Variants in DLGAP1 observed in about 807,000 individuals in gnomAD.
The protein encoded by DLGAP1 is DLG associated protein 1, also known as disks large-associated protein 1.
A neutral mutation model predicts 90.8 loss-of-function variants in DLGAP1; 11 were observed. The observed-to-expected ratio is 0.12, with a 90% CI of 0.08 to 0.20. The LOEUF is 0.20. Among genes scored for constraint, DLGAP1 ranks in the 10% least tolerant of loss-of-function variants. DLGAP1 has a pLI of 1.00. For missense variants in DLGAP1, 1,050 were observed against 1,333.8 expected, an observed-to-expected ratio of 0.79 and a Z score of 3.31; for synonymous variants, 558 against 540.7, an observed-to-expected ratio of 1.03 and a Z score of -0.44.
chr18:3,941,945 C>T (rs574269162), intron 3 of DLGAP1, among the ~76,000 whole-genome samples: 117 of 152,260 alleles, frequency 7.7e-4, no homozygotes, highest in Admixed American at 2.7e-3. Flanking sequence ...AACATCTGGG[C>T]TCAAGCAGAT....
intron 7 of DLGAP1, chr18:3,656,274 T>TG: frequency 1.7e-6 from 1 of 578,120 alleles, no homozygotes; most frequent in Non-Finnish European, 2.9e-6. Flanking sequence ...AAATAATTTT[T>TG]AGTCTTAACT....
At chr18:4,343,391 C>T (rs560324209) in intron 1 of DLGAP1, among the ~76,000 whole-genome samples, 1 of 151,402 alleles carries the variant, frequency 6.6e-6, no homozygotes, top group Non-Finnish European at 1.5e-5. Context: ...CAAATCCAGA[C>T]AAGTTATACA....
At chr18:4,273,851 G>T (rs1164446031) in intron 1 of DLGAP1, among the ~76,000 whole-genome samples, 1 of 152,076 alleles carries the variant, frequency 6.6e-6, no homozygotes, top group Non-Finnish European at 1.5e-5. Context: ...AAAATCACTG[G>T]TAACATTCCT....
intron 10 of DLGAP1, among the ~76,000 whole-genome samples, chr18:3,515,262 A>ATT: frequency 6.8e-6 from 1 of 147,022 alleles, no homozygotes; most frequent in Non-Finnish European, 1.5e-5. Context: ...CGAGGTCAGG[A>ATT]GATCGAGCCC....
At chr18:3,936,339 C>G (rs948029107) in intron 3 of DLGAP1, among the ~76,000 whole-genome samples, 3 of 151,868 alleles carry the variant, frequency 2.0e-5, no homozygotes, top group Non-Finnish European at 4.4e-5. Flanking sequence ...TACAATTTGC[C>G]CCCAAGTGAC....
chr18:4,193,615 C>T (rs2077441144), intron 1 of DLGAP1, among the ~76,000 whole-genome samples: 5 of 152,138 alleles, frequency 3.3e-5, no homozygotes. Flanking sequence ...ATTACAGAAA[C>T]AAGCATATCT....
intron 5 of DLGAP1, among the ~76,000 whole-genome samples, chr18:3,758,237 T>C (rs1275362103): frequency 6.6e-6 from 1 of 151,954 alleles, no homozygotes; most frequent in African/African-American, 2.4e-5. Flanking sequence ...TTTTACATAA[T>C]ACCCAACGTA....
At chr18:3,855,006 A>G (rs1401824900) in intron 4 of DLGAP1, among the ~76,000 whole-genome samples, 1 of 152,218 alleles carries the variant, frequency 6.6e-6, no homozygotes, top group African/African-American at 2.4e-5. Flanking sequence ...GCTGAAGGCA[A>G]TATTCACAAT....
intron 5 of DLGAP1, among the ~76,000 whole-genome samples, chr18:3,785,801 A>G (rs898051000): frequency 2.0e-5 from 3 of 152,212 alleles, no homozygotes; most frequent in Non-Finnish European, 2.9e-5. Flanking sequence ...ATACCGAAGA[A>G]AAGCTTCGCC....
Position 3,729,522 on chromosome 18 carries a change from G to A in DLGAP1, c.1351-147C>T. On this transcript the variant is annotated intron_variant, in intron 6 of 12. Coordinates refer to ENST00000315677, the MANE Select transcript of DLGAP1 (RefSeq NM_004746.4). This position sits in a 1 kb window ranked among gnomAD's most constrained non-coding sequence, Gnocchi z 6.2. Reference sequence around the variant, plus strand: ...TGCATTTTATTTCCTTTCTGTTACAGGCTATAATTGAATGGCATCCGCTTA... The same window carrying A: ...TGCATTTTATTTCCTTTCTGTTACAAGCTATAATTGAATGGCATCCGCTTA... 8.8e-7 allele frequency: 1 copy of A among 1,137,432 alleles called. No homozygotes were observed. Among genetic ancestry groups the A allele is most frequent in the Non-Finnish European group, 1.2e-6 (1 of 816,636 alleles). The allele number at this position is 1,137,432 out of a possible 1,614,324, so 70.5% of individuals were successfully genotyped here. A position where few individuals can be genotyped will look rare whatever the true frequency, so the allele number is the denominator to read the frequency against.
chr18:4,300,448 G>T (rs572176994), intron 1 of DLGAP1, among the ~76,000 whole-genome samples: 1 of 152,126 alleles, frequency 6.6e-6, no homozygotes, highest in Admixed American at 6.5e-5. Context: ...CCTATGTACA[G>T]ATACACCTAC....
chr18:4,226,135 C>T (rs1012025374), intron 1 of DLGAP1, among the ~76,000 whole-genome samples: 1 of 152,016 alleles, frequency 6.6e-6, no homozygotes, highest in Non-Finnish European at 1.5e-5. Context: ...GAGAGAGTGG[C>T]CTTATATATA....
chr18:4,217,843 A>G (rs2077990191), intron 1 of DLGAP1, among the ~76,000 whole-genome samples: 2 of 152,014 alleles, frequency 1.3e-5, no homozygotes, highest in Non-Finnish European at 2.9e-5. Context: ...CTTTTGGAAA[A>G]CAGTATGGAG....
At chr18:4,218,112 ATT>A (rs11388163) in intron 1 of DLGAP1, among the ~76,000 whole-genome samples, 31 of 136,816 alleles carry the variant, frequency 2.3e-4, no homozygotes, top group Non-Finnish European at 2.4e-4. Context: ...ATCTGTTAGA[ATT>A]TTTTTTTTTT....
intron 9 of DLGAP1, among the ~76,000 whole-genome samples, chr18:3,555,001 C>G (rs972858810): frequency 2.0e-5 from 3 of 151,836 alleles, no homozygotes; most frequent in Non-Finnish European, 4.4e-5. Flanking sequence ...GTTAACTGGC[C>G]ATTCAGTGTG....
At position 4,108,608 on chromosome 18, in the gene DLGAP1, A is replaced by C. The variant is rs565303076; in HGVS notation, c.-159+42572T>G. ...TTTTATTTATTAGCATTAGCTAATA[A>C]ATTATTTGTATATATGCAAAACAAG... On this transcript the variant is annotated intron_variant, in intron 2 of 12. Transcript: ENST00000315677. Among the ~76,000 whole-genome samples, 13 of 151,058 alleles carry C rather than the reference A, an allele frequency of 8.6e-5. No homozygotes were observed. The South Asian group carries it at 2.7e-3, about 32-fold the overall frequency.
chr18:4,390,357 A>G (rs2082316965), intron 1 of DLGAP1, among the ~76,000 whole-genome samples: 1 of 151,838 alleles, frequency 6.6e-6, no homozygotes, highest in South Asian at 2.1e-4. Flanking sequence ...ATGAACCTCT[A>G]TTGACACATC....
intron 5 of DLGAP1, among the ~76,000 whole-genome samples, chr18:3,778,084 A>C (rs1568118730): frequency 6.6e-6 from 1 of 152,200 alleles, no homozygotes; most frequent in Non-Finnish European, 1.5e-5. Context: ...ATATATCTTT[A>C]GGAGAAAAAT....
At chr18:3,650,604 A>G (rs1223816707) in intron 7 of DLGAP1, among the ~76,000 whole-genome samples, 1 of 152,234 alleles carries the variant, frequency 6.6e-6, no homozygotes, top group African/African-American at 2.4e-5. Context: ...GTTTCTTTGC[A>G]GAAACAAGTT....
Sources: allele counts gnomAD v4.1 joint callset (sites outside exome capture counted in the v4.1 genomes callset), GRCh38; gene constraint gnomAD v4.1.1; non-coding constraint Gnocchi (gnomAD v3.1); transcripts MANE v1.5; gene names NCBI Gene and HGNC (gene_info 2026-07-23, HGNC 2026-07-21).